DCAF17: variants seen among roughly 807,000 people sequenced by gnomAD.
The protein encoded by DCAF17 is DDB1- and CUL4-associated factor 17.
Under a neutral mutation model 66.0 loss-of-function variants are expected in DCAF17, and 48 were observed. The observed-to-expected ratio is 0.73, with a 90% CI of 0.58 to 0.92. The LOEUF (loss-of-function observed/expected upper bound fraction) is 0.92. Among genes scored for constraint, DCAF17 ranks in the 40% least tolerant of loss-of-function variants. The pLI, the probability that DCAF17 is intolerant of heterozygous loss-of-function variation, is 0.00. For missense variants in DCAF17, 562 were observed against 622.8 expected, an observed-to-expected ratio of 0.90 and a Z score of 1.04; for synonymous variants, 206 against 214.6, an observed-to-expected ratio of 0.96 and a Z score of 0.35.
intron 6 of DCAF17, among the ~76,000 whole-genome samples, chr2:171,454,660 G>A (rs1169374502): frequency 6.6e-6 from 1 of 151,942 alleles, no homozygotes; most frequent in African/African-American, 2.4e-5. Context: ...ACTTTGGGAG[G>A]CTGAGGCAGG....
rs1696890626 is a variant in DCAF17, at chr2:171,484,957, CAGTT to C, written c.*3844_*3847del. 3 of 453,884 alleles carry C rather than the reference CAGTT, an allele frequency of 6.6e-6. No individual in the cohort carries two copies. Among genetic ancestry groups the C allele is most frequent in the Non-Finnish European group, 1.3e-5 (3 of 226,774 alleles). 28.1% of individuals were successfully genotyped at this position (453,884 alleles called of 1,614,324 possible). On this transcript the variant is annotated 3_prime_UTR_variant, in exon 14 of 14. Coordinates refer to ENST00000375255, the MANE Select transcript of DCAF17 (RefSeq NM_025000.4). ...AGTATTCTTTCGTATGAATATATCA[CAGTT>C]TGTTTTTTTATCTTTCTGTTGATGG...
intron 2 of DCAF17, among the ~76,000 whole-genome samples, chr2:171,440,530 T>C (rs1474205356): frequency 6.6e-6 from 1 of 152,140 alleles, no homozygotes; most frequent in African/African-American, 2.4e-5. Flanking sequence ...GCCGTCAGCA[T>C]GCCACTGCAC....
intron 6 of DCAF17, among the ~76,000 whole-genome samples, chr2:171,454,291 T>A (rs1695120448): frequency 6.6e-6 from 1 of 151,116 alleles, no homozygotes; most frequent in Admixed American, 6.6e-5. Flanking sequence ...ATTATTAATT[T>A]TTTTTTTTTT....
intron 8 of DCAF17, among the ~76,000 whole-genome samples, chr2:171,462,477 CTGA>C (rs1695641515): frequency 6.6e-6 from 1 of 152,128 alleles, no homozygotes; most frequent in South Asian, 2.1e-4. Flanking sequence ...CTCAATGTCA[CTGA>C]TAAGACAAAT....
chr2:171,459,745 C>G (rs996057306), intron 8 of DCAF17, among the ~76,000 whole-genome samples: 1 of 151,978 alleles, frequency 6.6e-6, no homozygotes, highest in African/African-American at 2.4e-5. Flanking sequence ...TAGTAAATGA[C>G]AAATTATAAA....
Position 171,458,043 on chromosome 2 carries a change from A to G in DCAF17, c.700A>G (p.Arg234Gly). Residue 234 changes from arginine (R) to glycine (G), a missense_variant, in exon 7 of 14, where the codon AGA (arginine) becomes GGA (glycine). This residue lies in a region of DCAF17 where 348 missense variants were observed against 355.9 expected (regional missense o/e 0.98). Coordinates refer to ENST00000375255, the MANE Select transcript of DCAF17 (RefSeq NM_025000.4). ...TGTGATGTACAGCTCAGGACTGGTCAGACTCTATAGCTTCCAAACCATCGC... is the reference window on the plus strand; with the variant it reads ...TGTGATGTACAGCTCAGGACTGGTCGGACTCTATAGCTTCCAAACCATCGC... ...LIVMYSSGLV[R>G]LYSFQTIAEQ... The G allele has an allele frequency of 6.2e-7, 1 of 1,614,086 alleles. No individual in the cohort carries two copies. Among genetic ancestry groups the G allele is most frequent in the Non-Finnish European group, 8.5e-7 (1 of 1,179,974 alleles).
At chr2:171,434,823 A>C (rs1261092671) in intron 1 of DCAF17, 120 bp downstream of exon 1, 5 of 1,385,100 alleles carry the variant, frequency 3.6e-6, no homozygotes, top group Admixed American at 3.1e-5. Flanking sequence ...TGTGATGGGG[A>C]GGAGGATACA....
chr2:171,445,402 G>A (rs1694559958), intron 3 of DCAF17, among the ~76,000 whole-genome samples: 1 of 151,808 alleles, frequency 6.6e-6, no homozygotes, highest in Admixed American at 6.6e-5. Context: ...TGGGATTACA[G>A]GCATAAGCCA....
intron 8 of DCAF17, among the ~76,000 whole-genome samples, chr2:171,464,280 C>G (rs1471323421): frequency 6.6e-6 from 1 of 152,188 alleles, no homozygotes; most frequent in Non-Finnish European, 1.5e-5. Context: ...TCTCACAGTT[C>G]TGGAGTCTAG....
chr2:171,438,771 G>A (rs1290229336), intron 2 of DCAF17, among the ~76,000 whole-genome samples: 1 of 151,822 alleles, frequency 6.6e-6, no homozygotes, highest in East Asian at 1.9e-4. Flanking sequence ...GGGTCTGGCT[G>A]TGTCTCCCAG....
chr2:171,451,533 T>C lies in DCAF17; in HGVS notation c.537+1576T>C, dbSNP rs13404032. Reference sequence around the variant, plus strand: ...GAATTCTAAAGTGTCTTGTCTGATGTACCTTTTTAATAATTTAAATTGCTA... The same window carrying C: ...GAATTCTAAAGTGTCTTGTCTGATGCACCTTTTTAATAATTTAAATTGCTA... On this transcript the variant is annotated intron_variant, in intron 5 of 13. Transcript: ENST00000375255. Among the ~76,000 whole-genome samples, 884 of 152,330 alleles carry C rather than the reference T, an allele frequency of 5.8e-3. 8 individuals carry two copies. Among genetic ancestry groups the C allele is most frequent in the African/African-American group, 0.02 (841 of 41,594 alleles).
intron 3 of DCAF17, among the ~76,000 whole-genome samples, chr2:171,445,570 CTG>C (rs1694569751): frequency 1.3e-5 from 2 of 152,188 alleles, no homozygotes; most frequent in African/African-American, 4.8e-5. Context: ...TTCCAAGACT[CTG>C]TGTGAATTAC....
intron 3 of DCAF17, 76 bp downstream of exon 3, chr2:171,443,689 A>G (rs1694448184): frequency 1.7e-6 from 2 of 1,163,150 alleles, no homozygotes; most frequent in Non-Finnish European, 2.6e-6. Flanking sequence ...AACATATTGC[A>G]TAAAATAATA....
chr2:171,467,727 C>CA (rs34238683), intron 8 of DCAF17, among the ~76,000 whole-genome samples: 1,095 of 68,490 alleles, frequency 0.016, 20 homozygotes, highest in Middle Eastern at 0.022. Flanking sequence ...GAGACTGTCT[C>CA]AAAAAAAAAA....
In DCAF17 at chr2:171,476,857, C is replaced by CA. The variant is rs751320777; in HGVS notation, c.1092-2dup. ...GTTCTCAGAATCCTTTTTCCCTTCT[C>CA]AGAGTTTTGAAGCTAACTGAAATAG... On this transcript the variant is annotated splice_polypyrimidine_tract_variant and splice_region_variant and intron_variant, in intron 10 of 13. Coordinates refer to ENST00000375255, the MANE Select transcript of DCAF17 (RefSeq NM_025000.4). 1.9e-6 allele frequency: 3 copies of CA among 1,610,770 alleles called. No individual in the cohort carries two copies. The East Asian group carries it at 6.7e-5, about 36-fold the overall frequency.
Position 171,482,659 on chromosome 2 carries a change from A to G in DCAF17, c.*1545A>G. On this transcript the variant is annotated 3_prime_UTR_variant, in exon 14 of 14. Coordinates refer to ENST00000375255, the MANE Select transcript of DCAF17 (RefSeq NM_025000.4). ...AATAGGATGTCTTAAGACTTCAGTCATGTCAGAGATTTTTTTTTTTAGGTG... is the reference window on the plus strand; with the variant it reads ...AATAGGATGTCTTAAGACTTCAGTCGTGTCAGAGATTTTTTTTTTTAGGTG... The G allele has an allele frequency of 2.2e-6, 1 of 453,844 alleles. No homozygotes were observed. Among genetic ancestry groups the G allele is most frequent in the South Asian group, 1.6e-5 (1 of 64,424 alleles). The allele number at this position is 453,844 out of a possible 1,614,324, so 28.1% of individuals were successfully genotyped here.
At position 171,453,188 on chromosome 2, in the gene DCAF17, T is replaced by C; in HGVS notation, c.602T>C (p.Val201Ala). Residue 201 changes from valine to alanine, a missense_variant, in exon 6 of 14, where the codon GTA becomes GCA. Physicochemically the swap from Val to Ala is moderately conservative, Grantham distance 64 (BLOSUM62 0). Around this residue, in one of 3 missense-constraint regions of DCAF17, gnomAD observed 348 missense variants for 355.9 expected, o/e 0.98. Coordinates refer to ENST00000375255, the MANE Select transcript of DCAF17 (RefSeq NM_025000.4). The stretch of plus-strand genomic sequence containing the variant: ...TTCCGAGTTCTACCTTTTTCACTTG[T>C]AGGGATTCTAGAGATCAACAAAAAG... The part of the protein sequence containing the change: ...AVFRVLPFSL[V>A]GILEINKKIF... The C allele has an allele frequency of 1.2e-6, 2 of 1,612,700 alleles. No homozygotes were observed. Among genetic ancestry groups the C allele is most frequent in the South Asian group, 1.1e-5 (1 of 90,906 alleles).
intron 8 of DCAF17, among the ~76,000 whole-genome samples, chr2:171,460,543 A>ATTATTATGT (rs1179035573): frequency 1.5e-5 from 2 of 136,484 alleles, no homozygotes; most frequent in Admixed American, 7.7e-5. Flanking sequence ...TATTATTATT[A>ATTATTATGT]ATTTTGAGAC....
intron 1 of DCAF17, 189 bp from the exon 2 acceptor site, chr2:171,434,894 T>C (rs189513364): frequency 1.4e-4 from 146 of 1,058,726 alleles, no homozygotes; most frequent in Admixed American, 1.3e-3. Context: ...TTACGCTTCT[T>C]ATGTCTTACC....
Sources: gnomAD v4.1 joint callset for allele counts (sites outside exome capture counted in the v4.1 genomes callset) on GRCh38, gnomAD v4.1.1 for gene constraint, gnomAD v4.1.1 regional missense constraint, MANE v1.5 for transcripts, NCBI Gene and HGNC (gene_info 2026-07-23, HGNC 2026-07-21) for gene names.